DDX10: variants seen among roughly 807,000 people sequenced by gnomAD.
The protein encoded by DDX10 is DEAD-box helicase 10.
In DDX10, 74 loss-of-function variants were observed where a neutral mutation model predicts 104.3. The observed-to-expected ratio is 0.71, with a 90% CI of 0.59 to 0.86. The LOEUF (loss-of-function observed/expected upper bound fraction) is 0.86. Among genes scored for constraint, DDX10 ranks in the 40% least tolerant of loss-of-function variants. The pLI is 0.00. For missense variants in DDX10, 952 were observed against 1,040.0 expected (o/e 0.92, Z 1.16); for synonymous variants, 351 against 353.4 (o/e 0.99, Z 0.08).
intron 16 of DDX10, among the ~76,000 whole-genome samples, chr11:108,907,617 G>A (rs917226003): frequency 6.6e-6 from 1 of 152,180 alleles, no homozygotes; most frequent in Non-Finnish European, 1.5e-5. Flanking sequence ...GAGCTGAAAT[G>A]TGTTGCCTTC....
intron 13 of DDX10, among the ~76,000 whole-genome samples, chr11:108,797,820 C>T (rs1361568992): frequency 6.6e-6 from 1 of 152,316 alleles, no homozygotes; most frequent in South Asian, 2.1e-4. Flanking sequence ...TGATTTCTGA[C>T]GAATGGCCTG....
chr11:108,801,066 C>T (rs966505388), intron 13 of DDX10, among the ~76,000 whole-genome samples: 3 of 152,122 alleles, frequency 2.0e-5, no homozygotes, highest in East Asian at 1.9e-4. Flanking sequence ...CTCGGGAAGA[C>T]GAGGATAGTG....
At chr11:108,859,224 A>G (rs1397710254) in intron 16 of DDX10, among the ~76,000 whole-genome samples, 2 of 152,170 alleles carry the variant, frequency 1.3e-5, no homozygotes, top group South Asian at 2.1e-4. Flanking sequence ...ATAAGAGGAA[A>G]TTTTTCAGGA....
intron 13 of DDX10, among the ~76,000 whole-genome samples, chr11:108,788,888 T>C (rs557192547): frequency 4.8e-4 from 73 of 152,300 alleles, no homozygotes; most frequent in African/African-American, 1.7e-3. Context: ...CTTCACCTGG[T>C]CCACTCCTAG....
intron 16 of DDX10, among the ~76,000 whole-genome samples, chr11:108,865,433 G>A (rs189578427): frequency 3.3e-5 from 5 of 152,220 alleles, no homozygotes; most frequent in East Asian, 1.9e-4. Context: ...TATTTTTGAG[G>A]TGTGTCACTT....
intron 13 of DDX10, among the ~76,000 whole-genome samples, chr11:108,797,829 T>A (rs1446719705): frequency 6.6e-6 from 1 of 152,232 alleles, no homozygotes; most frequent in African/African-American, 2.4e-5. Flanking sequence ...ACGAATGGCC[T>A]GGGGACTGAA....
In DDX10 at chr11:108,716,088, G is replaced by A. The variant is rs867378574; in HGVS notation, c.1410+122G>A. ...ATTCAAGCAGTGTAATTTGCTGACA[G>A]ATAAGTCTAGCTTATTTTTTTTTTT... On this transcript the variant is annotated intron_variant, in intron 11 of 17. Coordinates refer to ENST00000322536, the MANE Select transcript of DDX10 (RefSeq NM_004398.4). 1.0e-4 allele frequency: 68 copies of A among 667,104 alleles called. 1 individual carries two copies. In the Middle Eastern group the frequency reaches 1.6e-3, roughly 16 times the overall value. 41.3% of individuals were successfully genotyped at this position (667,104 alleles called of 1,614,324 possible). A position where few individuals can be genotyped will look rare whatever the true frequency, so the allele number is the denominator to read the frequency against.
At chr11:108,809,644 G>A (rs1862151235) in intron 13 of DDX10, among the ~76,000 whole-genome samples, 1 of 152,136 alleles carries the variant, frequency 6.6e-6, no homozygotes. Context: ...CTCATACCAG[G>A]CCGTATGTAA....
chr11:108,698,399 G>A (rs1278110491), intron 9 of DDX10, among the ~76,000 whole-genome samples: 1 of 152,238 alleles, frequency 6.6e-6, no homozygotes, highest in Admixed American at 6.5e-5. Flanking sequence ...AAGGTCTGCA[G>A]TCTGCTCCTC....
At chr11:108,799,545 A>G (rs1179750372) in intron 13 of DDX10, among the ~76,000 whole-genome samples, 1 of 152,224 alleles carries the variant, frequency 6.6e-6, no homozygotes, top group Non-Finnish European at 1.5e-5. Flanking sequence ...AGGTTGGTAC[A>G]TGAATGTTAA....
At chr11:108,915,213 T>C (rs1039484748) in intron 16 of DDX10, among the ~76,000 whole-genome samples, 7 of 152,202 alleles carry the variant, frequency 4.6e-5, no homozygotes. Context: ...CATATCATGG[T>C]CAACTGTTAT....
intron 16 of DDX10, among the ~76,000 whole-genome samples, chr11:108,858,295 T>A (rs1325628159): frequency 6.6e-6 from 1 of 152,202 alleles, no homozygotes; most frequent in Non-Finnish European, 1.5e-5. Context: ...TCTGCCGTGT[T>A]ACTTGGTGAT....
chr11:108,924,971 A>T (rs374887895), intron 17 of DDX10, among the ~76,000 whole-genome samples: 1 of 152,210 alleles, frequency 6.6e-6, no homozygotes, highest in Non-Finnish European at 1.5e-5. Flanking sequence ...GCTTAATTAT[A>T]TAGTGAATTT....
At chr11:108,885,467 C>T (rs1423069699) in intron 16 of DDX10, among the ~76,000 whole-genome samples, 3 of 151,774 alleles carry the variant, frequency 2.0e-5, no homozygotes, top group Non-Finnish European at 4.4e-5. Flanking sequence ...AAGCAATTCT[C>T]CTGCCTCAGA....
At chr11:108,889,779 A>G (rs763944179) in intron 16 of DDX10, among the ~76,000 whole-genome samples, 2 of 152,236 alleles carry the variant, frequency 1.3e-5, no homozygotes, top group East Asian at 1.9e-4. Context: ...GCCAAGAATG[A>G]AAAACAAGCA....
intron 17 of DDX10, among the ~76,000 whole-genome samples, chr11:108,922,956 T>C (rs970282863): frequency 6.6e-6 from 1 of 152,240 alleles, no homozygotes; most frequent in African/African-American, 2.4e-5. Context: ...TAGGCTTTCA[T>C]GTGCTATTTT....
intron 17 of DDX10, among the ~76,000 whole-genome samples, chr11:108,935,256 C>T (rs1864022248): frequency 6.6e-6 from 1 of 151,876 alleles, no homozygotes; most frequent in Non-Finnish European, 1.5e-5. Flanking sequence ...AAAGGGAATT[C>T]CAGATGGAGA....
At chr11:108,777,997 G>A (rs998180861) in intron 13 of DDX10, among the ~76,000 whole-genome samples, 3 of 152,108 alleles carry the variant, frequency 2.0e-5, no homozygotes, top group African/African-American at 4.8e-5. Context: ...GGGATGCGAA[G>A]GACCTCTTCA....
intron 10 of DDX10, among the ~76,000 whole-genome samples, chr11:108,714,807 G>T (rs560690884): frequency 6.6e-6 from 1 of 152,248 alleles, no homozygotes; most frequent in Admixed American, 6.5e-5. Flanking sequence ...AATTTGGAGA[G>T]TGGTTAGATT....
Sources: gnomAD v4.1 joint callset for allele counts (sites outside exome capture counted in the v4.1 genomes callset) on GRCh38, gnomAD v4.1.1 for gene constraint, MANE v1.5 for transcripts, NCBI Gene and HGNC (gene_info 2026-07-23, HGNC 2026-07-21) for gene names.